SRGAP3: variants seen among roughly 807,000 people sequenced by gnomAD.
The protein encoded by SRGAP3 is SLIT-ROBO Rho GTPase activating protein 3, also known as SLIT-ROBO Rho GTPase-activating protein 3.
Under a neutral mutation model 121.1 loss-of-function variants are expected in SRGAP3, and 39 were observed. The observed-to-expected ratio is 0.32, with a 90% CI of 0.25 to 0.42. The LOEUF (loss-of-function observed/expected upper bound fraction) is 0.42. Ranked by LOEUF, SRGAP3 falls within the 10% of genes least tolerant of loss-of-function variation. The pLI, the probability that SRGAP3 is intolerant of heterozygous loss-of-function variation, is 1.00. For synonymous variants in SRGAP3, 601 were observed against 570.0 expected (o/e 1.05, Z -0.77); for missense variants, 1,213 against 1,470.6 (o/e 0.82, Z 2.86).
intron 3 of SRGAP3, among the ~76,000 whole-genome samples, chr3:9,097,244 G>A (rs1023512741): frequency 6.6e-6 from 1 of 151,748 alleles, no homozygotes; most frequent in Non-Finnish European, 1.5e-5. Context: ...TTCCACCTTG[G>A]CCTCCCAAAG....
At chr3:9,142,044 T>G (rs1324526401) in intron 1 of SRGAP3, among the ~76,000 whole-genome samples, 1 of 152,260 alleles carries the variant, frequency 6.6e-6, no homozygotes, top group Non-Finnish European at 1.5e-5. Flanking sequence ...TAAGGCTATT[T>G]CATACTCAAA....
intron 18 of SRGAP3, among the ~76,000 whole-genome samples, chr3:8,999,323 G>C (rs1942607084): frequency 6.6e-6 from 1 of 152,256 alleles, no homozygotes. Flanking sequence ...CTCTGAACTA[G>C]CATGGGCTAG....
Position 8,985,465 on chromosome 3 carries a change from C to T in SRGAP3, c.*54G>A. 1 of 1,593,428 alleles carries T rather than the reference C, an allele frequency of 6.3e-7. No homozygotes were observed. The highest frequency in any genetic ancestry group is 8.5e-7 in the Non-Finnish European group (1 of 1,177,168). On this transcript the variant is annotated 3_prime_UTR_variant, in exon 22 of 22. Coordinates refer to ENST00000383836, the MANE Select transcript of SRGAP3 (RefSeq NM_014850.4). The surrounding 1 kb of genome is among the most constrained non-coding windows in gnomAD (Gnocchi z 5.1). ...AAGCACGTGGAAGCCACCAAGGCCACCCTGGGCCGTGGTGAGCCACAGCGG... is the reference window on the plus strand; with the variant it reads ...AAGCACGTGGAAGCCACCAAGGCCATCCTGGGCCGTGGTGAGCCACAGCGG...
intron 3 of SRGAP3, among the ~76,000 whole-genome samples, chr3:9,096,976 T>C (rs374447924): frequency 3.2e-4 from 27 of 84,998 alleles, no homozygotes; most frequent in African/African-American, 1.4e-3. Context: ...TATATATATA[T>C]ATATACACAT....
intron 3 of SRGAP3, among the ~76,000 whole-genome samples, chr3:9,267,863 T>C (rs1183365561): frequency 6.6e-6 from 1 of 152,218 alleles, no homozygotes; most frequent in Non-Finnish European, 1.5e-5. Context: ...GGTGCCGTTT[T>C]CTGTGCAAGG....
At chr3:8,987,949 CAGCATG>C (rs1397272515) in intron 21 of SRGAP3, among the ~76,000 whole-genome samples, 19 of 152,160 alleles carry the variant, frequency 1.2e-4, no homozygotes, top group Admixed American at 5.2e-4. Flanking sequence ...TGCTCTAGTC[CAGCATG>C]AGCTGCATGG....
In SRGAP3 at chr3:9,124,793, G is replaced by T. The variant is rs1949156393; in HGVS notation, c.192C>A (p.Ser64=). Residue 64 remains serine, a synonymous_variant, in exon 2 of 22, where the codon TCC becomes TCA. Transcript: ENST00000383836. ...GCTCAGCCAGCTTCTCCAGGCTGCG[G>T]GAGTACTCGAGCTCAATCTCAGCTT... The part of the protein sequence containing the change: ...RRKAEIELEY[S]RSLEKLAERF... The T allele has an allele frequency of 6.2e-7, 1 of 1,614,098 alleles. No homozygotes were observed.
chr3:9,287,944 A>G (rs533925936), intron 3 of SRGAP3, among the ~76,000 whole-genome samples: 3 of 151,874 alleles, frequency 2.0e-5, no homozygotes, highest in Admixed American at 2.0e-4. Flanking sequence ...TTTTTAATCT[A>G]TCTTACTTGA....
intron 12 of SRGAP3, among the ~76,000 whole-genome samples, chr3:9,030,166 A>G (rs7426781): frequency 0.31 from 44,163 of 143,996 alleles, 6,709 homozygotes; most frequent in Middle Eastern, 0.38. Context: ...TGAATGAATG[A>G]ATGAATGAAT....
At chr3:9,268,296 G>GTCTCTCTCTCTCTC (rs71626912) in intron 3 of SRGAP3, among the ~76,000 whole-genome samples, 57 of 147,676 alleles carry the variant, frequency 3.9e-4, no homozygotes, top group African/African-American at 1.3e-3. Context: ...AGAGAGAAGA[G>GTCTCTCTCTCTCTC]TCTCTCTCTC....
At chr3:9,015,796 G>C in intron 14 of SRGAP3, 65 bp from the exon 15 acceptor site, 1 of 1,601,448 alleles carries the variant, frequency 6.2e-7, no homozygotes, top group Non-Finnish European at 8.5e-7. Flanking sequence ...CGTGCAGATG[G>C]CCGAAGAGAT....
At chr3:9,228,858 C>T (rs1468599200) in intron 1 of SRGAP3, among the ~76,000 whole-genome samples, 4 of 151,034 alleles carry the variant, frequency 2.6e-5, no homozygotes, top group African/African-American at 4.9e-5. Flanking sequence ...GTCAGGAGAT[C>T]GAGACCATCC....
chr3:9,049,325 G>A, intron 9 of SRGAP3: 1 of 450,832 alleles, frequency 2.2e-6, no homozygotes, highest in Middle Eastern at 3.3e-4. Flanking sequence ...CTTTTCCATG[G>A]TCCTAGGCTC....
At chr3:9,251,875 C>T (rs553161439), upstream of SRGAP3, among the ~76,000 whole-genome samples, 1 of 152,294 alleles carries the variant, frequency 6.6e-6, no homozygotes, top group Non-Finnish European at 1.5e-5. Flanking sequence ...TGGAGGAATA[C>T]ACCTTCTCTG....
At chr3:9,069,952 AAAAG>A (rs889869030) in intron 4 of SRGAP3, among the ~76,000 whole-genome samples, 3 of 152,158 alleles carry the variant, frequency 2.0e-5, no homozygotes, top group Non-Finnish European at 2.9e-5. Context: ...ATCTCAAAAA[AAAAG>A]AAAGAAAGAA....
intron 10 of SRGAP3, among the ~76,000 whole-genome samples, chr3:9,041,536 G>A (rs1255206836): frequency 2.6e-5 from 4 of 152,226 alleles, no homozygotes; most frequent in Admixed American, 1.3e-4. Flanking sequence ...AACTCACTGC[G>A]TGAGCTTGGA....
intron 10 of SRGAP3, among the ~76,000 whole-genome samples, chr3:9,045,842 T>C (rs981817803): frequency 5.3e-5 from 8 of 152,134 alleles, no homozygotes; most frequent in Admixed American, 3.9e-4. Flanking sequence ...GTTAACTGGC[T>C]CATGAGGAAT....
At position 9,323,409 on chromosome 3, in the gene SRGAP3, A is replaced by T. The variant is rs79933134; in HGVS notation, n.442+2601T>A. On this transcript the variant is annotated intron_variant and non_coding_transcript_variant, in intron 3 of 3. Transcript: ENST00000490889. The stretch of plus-strand genomic sequence containing the variant: ...GAAATAAGAATCTTTATCACAGGAC[A>T]TATCAGAGCCTTGAATATACCATTT... 1.8e-3 allele frequency among the ~76,000 whole-genome samples: 275 copies of T among 152,112 alleles called. 1 individual carries two copies. Among genetic ancestry groups the T allele is most frequent in the Middle Eastern group, 3.4e-3 (1 of 294 alleles).
chr3:9,213,375 C>T (rs1952510358), intron 1 of SRGAP3, among the ~76,000 whole-genome samples: 1 of 152,060 alleles, frequency 6.6e-6, no homozygotes, highest in Non-Finnish European at 1.5e-5. Context: ...CCTCAACTCC[C>T]TCCACACTCC....
Sources: allele counts gnomAD v4.1 joint callset (sites outside exome capture counted in the v4.1 genomes callset), GRCh38; gene constraint gnomAD v4.1.1; non-coding constraint Gnocchi (gnomAD v3.1); transcripts MANE v1.5; gene names NCBI Gene and HGNC (gene_info 2026-07-23, HGNC 2026-07-21).